Variants in EIF4G3 observed in about 807,000 individuals in gnomAD.
The protein encoded by EIF4G3 is eukaryotic translation initiation factor 4 gamma 3.
A neutral mutation model predicts 186.4 loss-of-function variants in EIF4G3; 34 were observed. That is an observed-to-expected ratio of 0.18 (90% confidence interval 0.14 to 0.24). EIF4G3 has a LOEUF of 0.24. Ranked by LOEUF, EIF4G3 falls within the 10% of genes least tolerant of loss-of-function variation. The pLI, the probability that EIF4G3 is intolerant of heterozygous loss-of-function variation, is 1.00. For synonymous variants in EIF4G3, 673 were observed against 679.5 expected (o/e 0.99, Z 0.15); for missense variants, 1,536 against 1,948.5 (o/e 0.79, Z 3.99).
At chr1:20,876,047 C>T (rs2080692492) in intron 20 of EIF4G3, among the ~76,000 whole-genome samples, 1 of 151,594 alleles carries the variant, frequency 6.6e-6, no homozygotes, top group Non-Finnish European at 1.5e-5. Context: ...CATGGCGAAA[C>T]CCCAAAACCC....
intron 3 of EIF4G3, 127 bp from the exon 4 acceptor site, chr1:21,051,121 T>C: frequency 1.7e-6 from 1 of 603,286 alleles, no homozygotes; most frequent in South Asian, 2.0e-5. Flanking sequence ...AGCACGAGAC[T>C]GAACAAACAC....
At chr1:21,161,097 G>C (rs1275492026) in intron 2 of EIF4G3, among the ~76,000 whole-genome samples, 1 of 152,066 alleles carries the variant, frequency 6.6e-6, no homozygotes, top group East Asian at 1.9e-4. Flanking sequence ...CTTGAACCCG[G>C]GAGGCAGAGG....
At chr1:20,947,586 G>C (rs1483756419) in intron 13 of EIF4G3, among the ~76,000 whole-genome samples, 1 of 151,816 alleles carries the variant, frequency 6.6e-6, no homozygotes, top group African/African-American at 2.4e-5. Flanking sequence ...GCAAGAGAAA[G>C]AAAGAAAGAA....
At chr1:21,045,638 CTAGT>C (rs1226302765) in intron 4 of EIF4G3, among the ~76,000 whole-genome samples, 3 of 152,102 alleles carry the variant, frequency 2.0e-5, no homozygotes, top group African/African-American at 7.2e-5. Context: ...GATTTTGATC[CTAGT>C]TAATCAGCGC....
At chr1:20,906,023 C>T (rs1038255564) in intron 14 of EIF4G3, among the ~76,000 whole-genome samples, 5 of 151,950 alleles carry the variant, frequency 3.3e-5, no homozygotes, top group South Asian at 2.1e-4. Flanking sequence ...AAAAAGGAGA[C>T]GTTTAATATT....
At chr1:20,822,355 C>CTT (rs57050580) in intron 33 of EIF4G3, among the ~76,000 whole-genome samples, 20 of 65,092 alleles carry the variant, frequency 3.1e-4, no homozygotes, top group Admixed American at 7.9e-4. Flanking sequence ...AAAGAACCAG[C>CTT]TTTTTTTTTT....
chr1:21,050,856 T>C lies in EIF4G3; in HGVS notation c.-67+10A>G. On this transcript the variant is annotated intron_variant, in intron 4 of 36. Transcript: ENST00000602326. ...ACATTTCTTATTTTTTTAAAAAAGG[T>C]TTATCTTACTTGAGAGAGTCCAGGG... 2 of 692,466 alleles carry C rather than the reference T, an allele frequency of 2.9e-6. No homozygotes were observed. Among genetic ancestry groups the C allele is most frequent in the Non-Finnish European group, 5.3e-6 (2 of 379,100 alleles). 42.9% of individuals were successfully genotyped at this position (692,466 alleles called of 1,614,324 possible).
intron 11 of EIF4G3, among the ~76,000 whole-genome samples, chr1:20,970,659 A>G (rs2075688082): frequency 6.7e-6 from 1 of 149,210 alleles, no homozygotes; most frequent in Non-Finnish European, 1.5e-5. Flanking sequence ...CTTAACAGCC[A>G]GTAAAAAGAG....
chr1:20,867,616 G>GC (rs2077873310), intron 20 of EIF4G3, among the ~76,000 whole-genome samples: 2 of 152,142 alleles, frequency 1.3e-5, no homozygotes, highest in South Asian at 4.1e-4. Context: ...CACAGTAAGG[G>GC]CCCAATAAAC....
chr1:21,016,283 G>A (rs1485601876), intron 4 of EIF4G3, among the ~76,000 whole-genome samples: 1 of 152,036 alleles, frequency 6.6e-6, no homozygotes, highest in East Asian at 1.9e-4. Context: ...AACAAATTCT[G>A]TAGACTACAC....
intron 18 of EIF4G3, 132 bp downstream of exon 18, chr1:20,893,385 G>T (rs2086797597): frequency 2.1e-6 from 2 of 960,914 alleles, no homozygotes; most frequent in Non-Finnish European, 3.0e-6. Context: ...GTATGGAAAG[G>T]ATAGTCTTTG....
intron 2 of EIF4G3, among the ~76,000 whole-genome samples, chr1:21,170,184 A>AATAC (rs1448237064): frequency 5.3e-5 from 8 of 151,678 alleles, no homozygotes; most frequent in African/African-American, 1.7e-4. Context: ...CTCAAAAATA[A>AATAC]ATAAATAAAC....
At chr1:20,924,403 C>T (rs145191844) in intron 14 of EIF4G3, among the ~76,000 whole-genome samples, 2 of 152,172 alleles carry the variant, frequency 1.3e-5, no homozygotes, top group African/African-American at 4.8e-5. Flanking sequence ...TTCTGTTCTC[C>T]GCATTTATAT....
chr1:21,116,424 T>C (rs1319434865), intron 2 of EIF4G3, among the ~76,000 whole-genome samples: 3 of 152,138 alleles, frequency 2.0e-5, no homozygotes. Flanking sequence ...ACTAGGTTTA[T>C]CTTAACAAAT....
chr1:20,880,069 G>A (rs1424253193), intron 19 of EIF4G3, among the ~76,000 whole-genome samples: 1 of 150,602 alleles, frequency 6.6e-6, no homozygotes. Flanking sequence ...ACTAGTAAAA[G>A]GAGATATACA....
At chr1:20,894,853 G>A (rs1168021833) in intron 17 of EIF4G3, among the ~76,000 whole-genome samples, 1 of 152,134 alleles carries the variant, frequency 6.6e-6, no homozygotes, top group Non-Finnish European at 1.5e-5. Context: ...ATGCAAAGAG[G>A]AAGGATGCCT....
chr1:21,124,143 T>G (rs2096979921), intron 2 of EIF4G3, among the ~76,000 whole-genome samples: 1 of 151,794 alleles, frequency 6.6e-6, no homozygotes, highest in Non-Finnish European at 1.5e-5. Context: ...ATACAAAAAT[T>G]AGCCAGCTGT....
At chr1:20,886,448 T>C (rs1290276152) in intron 18 of EIF4G3, 77 bp from the exon 19 acceptor site, 2 of 1,420,628 alleles carry the variant, frequency 1.4e-6, no homozygotes, top group East Asian at 2.3e-5. Context: ...TCAAGTCTGA[T>C]GACTACGCCA....
At chr1:21,077,606 C>T (rs1180933321) in intron 3 of EIF4G3, among the ~76,000 whole-genome samples, 3 of 150,020 alleles carry the variant, frequency 2.0e-5, no homozygotes, top group Non-Finnish European at 4.4e-5. Context: ...ACGGGCCGGG[C>T]GTGGTGGCTC....
Sources: gnomAD v4.1 joint callset for allele counts (sites outside exome capture counted in the v4.1 genomes callset) on GRCh38, gnomAD v4.1.1 for gene constraint, MANE v1.5 for transcripts, NCBI Gene and HGNC (gene_info 2026-07-23, HGNC 2026-07-21) for gene names.